Variants in STARD13 observed in about 807,000 individuals in gnomAD.
The protein encoded by STARD13 is stAR-related lipid transfer protein 13.
A neutral mutation model predicts 106.4 loss-of-function variants in STARD13; 62 were observed. That is an observed-to-expected ratio of 0.58 (90% CI 0.48 to 0.72). The LOEUF (loss-of-function observed/expected upper bound fraction) is 0.72. Among genes scored for constraint, STARD13 ranks in the 30% least tolerant of loss-of-function variants. The pLI, the probability that STARD13 is intolerant of heterozygous loss-of-function variation, is 0.00. For synonymous variants in STARD13, 565 were observed against 553.0 expected (o/e 1.02, Z -0.31); for missense variants, 1,387 against 1,424.0 (o/e 0.97, Z 0.42).
At chr13:33,187,027 A>G (rs1476822380) in intron 1 of STARD13, among the ~76,000 whole-genome samples, 3 of 151,510 alleles carry the variant, frequency 2.0e-5, no homozygotes, top group African/African-American at 4.9e-5. Context: ...TGCCCTGATC[A>G]CTCTCCCATC....
chr13:33,432,590 C>T, the STARD13 span, among the ~76,000 whole-genome samples: 1 of 151,930 alleles, frequency 6.6e-6, no homozygotes, highest in Admixed American at 6.6e-5. Flanking sequence ...GCAGTCAGTA[C>T]GATAGGTGAT....
At chr13:33,460,090 C>A in the STARD13 span, among the ~76,000 whole-genome samples, 1 of 152,104 alleles carries the variant, frequency 6.6e-6, no homozygotes, top group African/African-American at 2.4e-5. Context: ...TTTTTTCAAC[C>A]AATTTGTAAA....
the STARD13 span, among the ~76,000 whole-genome samples, chr13:33,576,604 G>T: frequency 6.6e-6 from 1 of 151,784 alleles, no homozygotes; most frequent in South Asian, 2.1e-4. Flanking sequence ...TTCTCAATAA[G>T]AAAAACAAAA....
chr13:33,584,204 T>A, the STARD13 span, among the ~76,000 whole-genome samples: 2 of 152,200 alleles, frequency 1.3e-5, no homozygotes, highest in African/African-American at 4.8e-5. Flanking sequence ...TATAAAGAAA[T>A]ACCTGAGATT....
At chr13:33,612,980 G>A in the STARD13 span, among the ~76,000 whole-genome samples, 23 of 152,300 alleles carry the variant, frequency 1.5e-4, 1 homozygote, top group African/African-American at 5.5e-4. Context: ...ACTCTTTTGA[G>A]CAACTTCAAA....
At chr13:33,597,722 C>T in the STARD13 span, among the ~76,000 whole-genome samples, 16 of 151,348 alleles carry the variant, frequency 1.1e-4, no homozygotes, top group African/African-American at 3.9e-4. Flanking sequence ...GGGCATGGGG[C>T]ACATGCCTGT....
the STARD13 span, among the ~76,000 whole-genome samples, chr13:33,508,947 C>T: frequency 3.3e-5 from 5 of 152,112 alleles, no homozygotes; most frequent in South Asian, 2.1e-4. Flanking sequence ...ACTGTAGGCA[C>T]CTGTAACACA....
At chr13:33,416,130 G>C in the STARD13 span, among the ~76,000 whole-genome samples, 2 of 152,114 alleles carry the variant, frequency 1.3e-5, no homozygotes, top group African/African-American at 2.4e-5. Flanking sequence ...TCATTAATTT[G>C]GTTCAACAGA....
chr13:33,633,701 T>G, the STARD13 span, among the ~76,000 whole-genome samples: 6 of 152,288 alleles, frequency 3.9e-5, no homozygotes, highest in Middle Eastern at 3.4e-3. Flanking sequence ...GGTTCCAGGT[T>G]TTTTTATTCA....
At chr13:33,650,164 ATT>A in the STARD13 span, among the ~76,000 whole-genome samples, 45 of 48,362 alleles carry the variant, frequency 9.3e-4, 4 homozygotes, top group African/African-American at 2.6e-3. Flanking sequence ...CGTGACTCCA[ATT>A]TTTTTTTTTT....
Position 33,177,994 on chromosome 13 carries a change from GAAGGAAGGAAGGAAGGA to G in STARD13, c.170-10389_170-10373del, listed in dbSNP as rs1163540835. ...GAAGGAAGGAAGGAAGGAAAGGAAG[GAAGGAAGGAAGGAAGGA>G]AAGGAAGGAAGGAAGGAAGGAAGGA... On this transcript the variant is annotated intron_variant, in intron 1 of 13. Transcript: ENST00000336934. 3.1e-3 allele frequency among the ~76,000 whole-genome samples: 127 copies of G among 40,832 alleles called. 35 individuals carry two copies. Among genetic ancestry groups the G allele is most frequent in the Middle Eastern group, 0.031 (2 of 64 alleles). The allele number at this position is 40,832 out of a possible 152,430, so 26.8% of individuals were successfully genotyped here.
At chr13:33,389,876 T>C in the STARD13 span, among the ~76,000 whole-genome samples, 1 of 152,288 alleles carries the variant, frequency 6.6e-6, no homozygotes, top group Middle Eastern at 3.4e-3. Flanking sequence ...TTGACCTCAG[T>C]ATCTTCACAA....
intron 3 of STARD13, among the ~76,000 whole-genome samples, chr13:33,154,078 A>G (rs1049707631): frequency 2.0e-5 from 3 of 152,190 alleles, no homozygotes; most frequent in Admixed American, 2.0e-4. Context: ...AGATGGATAT[A>G]CTAATGCCAA....
the STARD13 span, among the ~76,000 whole-genome samples, chr13:33,377,301 TA>T: frequency 1.3e-5 from 2 of 151,732 alleles, no homozygotes; most frequent in African/African-American, 2.4e-5. Flanking sequence ...CACGTTCTGG[TA>T]AAAAAAACAT....
intron 1 of STARD13, among the ~76,000 whole-genome samples, chr13:33,304,468 G>GT (rs1892831080): frequency 6.6e-6 from 1 of 151,970 alleles, no homozygotes; most frequent in Non-Finnish European, 1.5e-5. Flanking sequence ...AGAAACATCT[G>GT]TCAACATTCC....
At chr13:33,547,459 T>G in the STARD13 span, among the ~76,000 whole-genome samples, 19 of 152,354 alleles carry the variant, frequency 1.2e-4, no homozygotes, top group African/African-American at 4.3e-4. Context: ...CAATTTTTCT[T>G]GAAGATAATT....
At chr13:33,383,588 A>C in the STARD13 span, 1 of 112,114 alleles carries the variant, frequency 8.9e-6, no homozygotes, top group African/African-American at 3.8e-5. Flanking sequence ...TACTAAAAAT[A>C]CAAAAAAAAA....
chr13:33,436,954 C>T, the STARD13 span, among the ~76,000 whole-genome samples: 53 of 152,264 alleles, frequency 3.5e-4, no homozygotes, highest in Non-Finnish European at 5.1e-4. Context: ...CGTCACATTC[C>T]GCCTTCCATC....
the STARD13 span, among the ~76,000 whole-genome samples, chr13:33,665,849 T>G: frequency 6.6e-6 from 1 of 152,172 alleles, no homozygotes; most frequent in Non-Finnish European, 1.5e-5. Flanking sequence ...TGGGGTCTCC[T>G]CGGTGCCATA....
Sources: gnomAD v4.1 joint callset for allele counts (sites outside exome capture counted in the v4.1 genomes callset) on GRCh38, gnomAD v4.1.1 for gene constraint, MANE v1.5 for transcripts, NCBI Gene and HGNC (gene_info 2026-07-23, HGNC 2026-07-21) for gene names.